Variants in MAL2 observed in about 807,000 individuals in gnomAD.
MAL2 encodes protein MAL2.
A neutral mutation model predicts 18.1 loss-of-function variants in MAL2; 17 were observed. The ratio of observed to expected loss-of-function variants is 0.94; its 90% CI spans 0.64 to 1.41. The LOEUF (loss-of-function observed/expected upper bound fraction) is 1.41, where lower values mean the gene tolerates loss of function less well. Among genes scored for constraint, MAL2 ranks in the 40% most tolerant of loss-of-function variants. The pLI is 0.00. For synonymous variants in MAL2, 102 were observed against 102.3 expected (o/e 1.00, Z 0.02); for missense variants, 222 against 231.9 (o/e 0.96, Z 0.28).
At chr8:119,213,944 G>A (rs1176418959) in intron 1 of MAL2, among the ~76,000 whole-genome samples, 1 of 152,052 alleles carries the variant, frequency 6.6e-6, no homozygotes, top group African/African-American at 2.4e-5. Context: ...AAAAAAATAC[G>A]AAGAACTGAA....
intron 2 of MAL2, among the ~76,000 whole-genome samples, chr8:119,222,845 A>G (rs1237692438): frequency 2.0e-5 from 3 of 152,048 alleles, no homozygotes; most frequent in Non-Finnish European, 4.4e-5. Flanking sequence ...AAAAAAAAAA[A>G]AAATTTGCAA....
At chr8:119,222,459 G>A in intron 2 of MAL2, among the ~76,000 whole-genome samples, 1 of 151,514 alleles carries the variant, frequency 6.6e-6, no homozygotes, top group East Asian at 1.9e-4. Context: ...GAACCCGGGA[G>A]GCAGTGAGCC....
chr8:119,208,597 TG>T lies in MAL2; in HGVS notation c.127del (p.Glu43ArgfsTer31). 1 of 1,353,742 alleles carries T rather than the reference TG, an allele frequency of 7.4e-7. No individual in the cohort carries two copies. The highest frequency in any genetic ancestry group is 1.9e-5 in the South Asian group (1 of 53,212). 83.9% of individuals were successfully genotyped at this position (1,353,742 alleles called of 1,614,324 possible). A position where few individuals can be genotyped will look rare whatever the true frequency, so the allele number is the denominator to read the frequency against. ...LRTYSGAFVC[L>X]EILFGGLVWI... Reference sequence around the variant, plus strand: ...ACCTACTCGGGCGCCTTCGTCTGCCTGGAGATTGTAAGTGGGGCCGCCGGAG... The same window carrying T: ...ACCTACTCGGGCGCCTTCGTCTGCCTGAGATTGTAAGTGGGGCCGCCGGAG... On this transcript the variant is annotated frameshift_variant, in exon 1 of 4. Coordinates refer to ENST00000614891, the MANE Select transcript of MAL2 (RefSeq NM_052886.3). LOFTEE classifies it high-confidence loss of function. This position sits in a 1 kb window ranked among gnomAD's most constrained non-coding sequence, Gnocchi z 4.3.
At chr8:119,216,488 A>G (rs1817357748) in intron 1 of MAL2, among the ~76,000 whole-genome samples, 1 of 152,198 alleles carries the variant, frequency 6.6e-6, no homozygotes, top group Non-Finnish European at 1.5e-5. Context: ...AATTGGCACA[A>G]ATAAAACCCT....
chr8:119,234,197 CG>C (rs1817814473), intron 2 of MAL2, among the ~76,000 whole-genome samples: 1 of 152,268 alleles, frequency 6.6e-6, no homozygotes, highest in Admixed American at 6.5e-5. Flanking sequence ...AAAGGGGTGA[CG>C]GACGCACCGG....
At chr8:119,234,359 C>G (rs1286655598) in intron 2 of MAL2, among the ~76,000 whole-genome samples, 1 of 152,172 alleles carries the variant, frequency 6.6e-6, no homozygotes, top group Non-Finnish European at 1.5e-5. Flanking sequence ...GATCAAACTG[C>G]AAGGCGGCAA....
intron 2 of MAL2, among the ~76,000 whole-genome samples, chr8:119,232,363 TTGTAAAA>T (rs1191229201): frequency 1.3e-5 from 2 of 152,132 alleles, no homozygotes; most frequent in African/African-American, 2.4e-5. Context: ...AAGAAATTCT[TTGTAAAA>T]TGGAGATAAT....
At chr8:119,220,005 C>T (rs946544972) in intron 1 of MAL2, among the ~76,000 whole-genome samples, 4 of 152,144 alleles carry the variant, frequency 2.6e-5, no homozygotes, top group Non-Finnish European at 4.4e-5. Context: ...TGTCTTGGAA[C>T]TGTGGATTTT....
chr8:119,221,454 T>G, intron 1 of MAL2, 133 bp from the exon 2 acceptor site: 2 of 1,030,104 alleles, frequency 1.9e-6, no homozygotes, highest in Non-Finnish European at 2.9e-6. Context: ...ATCGAAGGGA[T>G]GGGGTTGCTG....
At chr8:119,211,378 C>T (rs1395001245) in intron 1 of MAL2, among the ~76,000 whole-genome samples, 1 of 152,158 alleles carries the variant, frequency 6.6e-6, no homozygotes, top group Non-Finnish European at 1.5e-5. Flanking sequence ...TTTAAGAGTT[C>T]TTCATTTCTG....
chr8:119,242,244 G>A (rs1241125600), intron 3 of MAL2, among the ~76,000 whole-genome samples: 1 of 152,062 alleles, frequency 6.6e-6, no homozygotes, highest in Non-Finnish European at 1.5e-5. Context: ...TGTCACCTTT[G>A]TCCTAAGGGC....
At chr8:119,237,326 C>T (rs935515354) in intron 2 of MAL2, among the ~76,000 whole-genome samples, 3 of 151,420 alleles carry the variant, frequency 2.0e-5, no homozygotes, top group Non-Finnish European at 4.4e-5. Context: ...AGTCCAGGAC[C>T]AGATGGATTC....
At chr8:119,221,458 G>T in intron 1 of MAL2, 129 bp from the exon 2 acceptor site, 1 of 1,093,116 alleles carries the variant, frequency 9.1e-7, no homozygotes, top group Non-Finnish European at 1.3e-6. Flanking sequence ...AAGGGATGGG[G>T]TTGCTGGAAT....
intron 2 of MAL2, among the ~76,000 whole-genome samples, chr8:119,239,771 G>T (rs2129918265): frequency 6.6e-6 from 1 of 151,914 alleles, no homozygotes; most frequent in Non-Finnish European, 1.5e-5. Context: ...GGACTGTTGT[G>T]GGGAGGGATA....
chr8:119,234,973 A>G (rs1817844844), intron 2 of MAL2, among the ~76,000 whole-genome samples: 1 of 152,098 alleles, frequency 6.6e-6, no homozygotes, highest in African/African-American at 2.4e-5. Context: ...GACTTTGACG[A>G]GCTGAGAGAA....
rs372369861 is a variant in MAL2 at position 119,243,484 on chromosome 8, C to T, written c.527C>T (p.Pro176Leu). ...GGTCTGGCTTTACGAAGATGGCGACCGTAACACTCCTTAGAAACTGGCAGT... is the reference window on the plus strand; with the variant it reads ...GGTCTGGCTTTACGAAGATGGCGACTGTAACACTCCTTAGAAACTGGCAGT... ...SLGLALRRWR[P>L] The change falls in exon 4 of 4, where the codon CCG (proline) becomes CTG (leucine). Residue 176 changes from proline (P) to leucine (L), a missense_variant. Transcript: ENST00000614891. 68 of 1,593,532 alleles carry T rather than the reference C, an allele frequency of 4.3e-5. No individual in the cohort carries two copies. Among genetic ancestry groups the T allele is most frequent in the Admixed American group, 7.0e-5 (4 of 57,246 alleles).
At chr8:119,234,049 G>A (rs555380072) in intron 2 of MAL2, among the ~76,000 whole-genome samples, 5 of 152,266 alleles carry the variant, frequency 3.3e-5, no homozygotes, top group East Asian at 3.9e-4. Context: ...CTGAGGTACC[G>A]GGTTCATCTC....
chr8:119,230,449 G>GGAA (rs1480016744), intron 2 of MAL2, among the ~76,000 whole-genome samples: 1 of 152,024 alleles, frequency 6.6e-6, no homozygotes, highest in East Asian at 1.9e-4. Flanking sequence ...TGGGGGGGCG[G>GGAA]GAAGGGGCAA....
chr8:119,236,431 G>T (rs530731978), intron 2 of MAL2, among the ~76,000 whole-genome samples: 119 of 151,654 alleles, frequency 7.8e-4, no homozygotes, highest in Non-Finnish European at 1.0e-3. Flanking sequence ...ACTCAGCTCT[G>T]CACCAAGTGG....
Sources: gnomAD v4.1 joint callset for allele counts (sites outside exome capture counted in the v4.1 genomes callset) on GRCh38, gnomAD v4.1.1 for gene constraint, Gnocchi (gnomAD v3.1) non-coding constraint, MANE v1.5 for transcripts, NCBI Gene and HGNC (gene_info 2026-07-23, HGNC 2026-07-21) for gene names.